Variants in CLVS1 observed in about 807,000 individuals in gnomAD.
CLVS1 encodes the protein clavesin-1.
CLVS1 carries 10 observed loss-of-function variants against 33.1 expected under a neutral mutation model. The ratio of observed to expected loss-of-function variants is 0.30; its 90% CI spans 0.19 to 0.51. The LOEUF (loss-of-function observed/expected upper bound fraction) is 0.51, where lower values mean the gene tolerates loss of function less well. CLVS1 is among the 20% of genes least tolerant of loss of function. CLVS1 has a pLI of 0.97. For missense variants in CLVS1, 343 were observed against 433.4 expected (o/e 0.79, Z 1.85); for synonymous variants, 163 against 166.1 (o/e 0.98, Z 0.14).
chr8:61,194,931 CTTAT>C (rs1807571750), intron 2 of CLVS1, among the ~76,000 whole-genome samples: 1 of 105,364 alleles, frequency 9.5e-6, no homozygotes, highest in Non-Finnish European at 2.3e-5. Flanking sequence ...TTAGAAAATT[CTTAT>C]ATGTTTTGAA....
chr8:61,326,969 A>G (rs1358485133), intron 2 of CLVS1, among the ~76,000 whole-genome samples: 1 of 152,208 alleles, frequency 6.6e-6, no homozygotes, highest in Non-Finnish European at 1.5e-5. Context: ...GTTTCAGTTC[A>G]GCTAAAGGAT....
chr8:61,259,859 C>A (rs1285770073), intron 2 of CLVS1, among the ~76,000 whole-genome samples: 1 of 152,220 alleles, frequency 6.6e-6, no homozygotes, highest in Non-Finnish European at 1.5e-5. Context: ...TCCCTGCATG[C>A]AGAGGGTACT....
At chr8:61,299,145 G>A (rs2919304) in intron 1 of CLVS1, among the ~76,000 whole-genome samples, 40,751 of 152,040 alleles carry the variant, frequency 0.27, 6,853 homozygotes, top group Non-Finnish European at 0.35. Context: ...GAACACTGGC[G>A]GGGTTAAAAT....
At position 61,126,885 on chromosome 8, in the gene CLVS1, A is replaced by G. The variant is rs1186387679; in HGVS notation, c.-242-4885A>G. ...ATGATCCAAAAAGAGAAAAAATGGT[A>G]TTCCCTTAAGTAGCACAGAAGACTC... On this transcript the variant is annotated intron_variant, in intron 1 of 2. Coordinates refer to the CLVS1 transcript ENST00000522621. Among the ~76,000 whole-genome samples, 4 of 152,336 alleles carry G rather than the reference A, an allele frequency of 2.6e-5. No individual in the cohort carries two copies. The East Asian group carries it at 5.8e-4, about 22-fold the overall frequency.
At chr8:61,465,682 G>A (rs7001072) in intron 5 of CLVS1, 34,572 of 151,870 alleles carry the variant, frequency 0.23, 6,360 homozygotes, top group African/African-American at 0.51. Context: ...TTGTTGTTTG[G>A]GACAGAGTCT....
chr8:61,406,908 C>T lies in CLVS1; in HGVS notation c.630+30129C>T, dbSNP rs115612714. On this transcript the variant is annotated intron_variant, in intron 3 of 5. Transcript: ENST00000325897. ...ACAGGTGCGAGCTGCCGCGCCAGGC[C>T]GACATAAAATTCTTTCTAGGTAAAA... Among the ~76,000 whole-genome samples the T allele has an allele frequency of 8.4e-3, 1,271 of 152,176 alleles. 14 individuals are homozygous for T. The highest frequency in any genetic ancestry group is 0.03 in the African/African-American group (1,225 of 41,498).
chr8:61,016,102 G>A, the CLVS1 span, among the ~76,000 whole-genome samples: 1 of 152,110 alleles, frequency 6.6e-6, no homozygotes, highest in Non-Finnish European at 1.5e-5. Flanking sequence ...TTTGTTTCAG[G>A]CACAAAATTA....
intron 2 of CLVS1, among the ~76,000 whole-genome samples, chr8:61,326,213 A>G (rs888064387): frequency 6.6e-6 from 1 of 152,192 alleles, no homozygotes; most frequent in African/African-American, 2.4e-5. Flanking sequence ...TCTGTTGTGT[A>G]CTTTTGAATA....
chr8:61,169,186 CAG>C (rs1806942517), intron 2 of CLVS1, among the ~76,000 whole-genome samples: 1 of 152,150 alleles, frequency 6.6e-6, no homozygotes, highest in African/African-American at 2.4e-5. Flanking sequence ...AAGTTTCAGA[CAG>C]GGGTATGGCA....
intron 1 of CLVS1, among the ~76,000 whole-genome samples, chr8:61,113,957 G>C (rs966301389): frequency 6.6e-6 from 1 of 152,166 alleles, no homozygotes; most frequent in Non-Finnish European, 1.5e-5. Flanking sequence ...TACATCAGAC[G>C]ACAGCTGACT....
At chr8:61,203,999 A>G (rs887778949) in intron 2 of CLVS1, among the ~76,000 whole-genome samples, 5 of 152,222 alleles carry the variant, frequency 3.3e-5, no homozygotes, top group African/African-American at 1.2e-4. Flanking sequence ...TCATCCTGCC[A>G]TGTAGAAGAT....
intron 2 of CLVS1, among the ~76,000 whole-genome samples, chr8:61,150,709 C>A (rs1806513912): frequency 6.6e-6 from 1 of 152,172 alleles, no homozygotes; most frequent in African/African-American, 2.4e-5. Flanking sequence ...TAGCATCCAC[C>A]CTTTGGTACA....
intron 3 of CLVS1, among the ~76,000 whole-genome samples, chr8:61,447,227 G>C (rs935346844): frequency 2.6e-5 from 4 of 151,958 alleles, no homozygotes; most frequent in African/African-American, 9.7e-5. Flanking sequence ...TCTTTTTCCA[G>C]TTCTACTAGC....
intron 3 of CLVS1, among the ~76,000 whole-genome samples, chr8:61,438,539 T>G (rs1248238708): frequency 6.6e-6 from 1 of 152,212 alleles, no homozygotes; most frequent in Admixed American, 6.5e-5. Flanking sequence ...TTTGGGTATA[T>G]ACCCAGTAAT....
the CLVS1 span, among the ~76,000 whole-genome samples, chr8:60,994,678 G>A: frequency 6.6e-6 from 1 of 152,122 alleles, no homozygotes; most frequent in African/African-American, 2.4e-5. Flanking sequence ...TTTTGGCTTA[G>A]GATTGACTTG....
At chr8:61,184,869 C>A (rs79644480) in intron 2 of CLVS1, among the ~76,000 whole-genome samples, 5,203 of 152,216 alleles carry the variant, frequency 0.034, 99 homozygotes, top group Middle Eastern at 0.041. Flanking sequence ...TTTGAAAAAT[C>A]ATTTTATTGT....
At chr8:61,116,500 T>C (rs930028264) in intron 1 of CLVS1, among the ~76,000 whole-genome samples, 1 of 152,226 alleles carries the variant, frequency 6.6e-6, no homozygotes, top group African/African-American at 2.4e-5. Flanking sequence ...TTTTATGGTT[T>C]TAGGTCTAAC....
At chr8:61,234,461 T>C (rs779186966) in intron 2 of CLVS1, among the ~76,000 whole-genome samples, 3 of 152,156 alleles carry the variant, frequency 2.0e-5, no homozygotes, top group Non-Finnish European at 2.9e-5. Context: ...CACGTCCTTT[T>C]TCTCATGTTG....
chr8:61,343,516 C>A (rs1017770204), intron 2 of CLVS1, among the ~76,000 whole-genome samples: 2 of 152,206 alleles, frequency 1.3e-5, no homozygotes, highest in African/African-American at 2.4e-5. Flanking sequence ...GAGCTAAAGA[C>A]AATGTACTTG....
Sources: allele counts gnomAD v4.1 joint callset (sites outside exome capture counted in the v4.1 genomes callset), GRCh38; gene constraint gnomAD v4.1.1; transcripts MANE v1.5; gene names NCBI Gene and HGNC (gene_info 2026-07-23, HGNC 2026-07-21).